FBXO17: variants seen among roughly 807,000 people sequenced by gnomAD.
FBXO17 encodes F-box protein 17.
FBXO17 carries 43 observed loss-of-function variants against 34.1 expected under a neutral mutation model. That is an observed-to-expected ratio of 1.26 (90% CI 0.99 to 1.62). FBXO17 has a LOEUF of 1.62. FBXO17 is among the 40% of genes most tolerant of loss of function. The probability of loss-of-function intolerance (pLI) is 0.00; values close to 1 mark genes in which losing one functional copy is unlikely to be tolerated. For synonymous variants in FBXO17, 169 were observed against 166.0 expected, an observed-to-expected ratio of 1.02 and a Z score of -0.14; for missense variants, 424 against 386.7, an observed-to-expected ratio of 1.10 and a Z score of -0.81.
At chr19:38,944,258 T>G (rs1411756381) in intron 5 of FBXO17, among the ~76,000 whole-genome samples, 1 of 82,594 alleles carries the variant, frequency 1.2e-5, no homozygotes, top group Non-Finnish European at 2.9e-5. Flanking sequence ...ATCTGACTCA[T>G]TATTATTATT....
At position 38,942,631 on chromosome 19, in the gene FBXO17, T is replaced by C; in HGVS notation, c.814A>G (p.Arg272Gly). The C allele has an allele frequency of 6.3e-7, 1 of 1,586,622 alleles. No homozygotes were observed. Among genetic ancestry groups the C allele is most frequent in the Non-Finnish European group, 8.5e-7 (1 of 1,169,998 alleles). The part of the protein sequence containing the change: ...YGALVTHSSV[R>G]VRIRLS ...CGCTAGGACAGACGGATCCTGACCC[T>C]CACACTGGAGTGGGTCACAAGGGCG... Residue 272 changes from arginine to glycine, a missense_variant, in exon 6 of 6, where the codon AGG becomes GGG. Coordinates refer to ENST00000292852, the MANE Select transcript of FBXO17 (RefSeq NM_024907.7).
chr19:38,942,772 A>G, intron 5 of FBXO17, 21 bp from the exon 6 acceptor site: 2 of 1,594,500 alleles, frequency 1.3e-6, no homozygotes, highest in Non-Finnish European at 1.7e-6. Flanking sequence ...AAGGGGAGTG[A>G]GAGGGTGAGG....
chr19:38,945,244 A>C, intron 4 of FBXO17, 140 bp from the exon 5 acceptor site: 2 of 1,139,312 alleles, frequency 1.8e-6, no homozygotes, highest in Non-Finnish European at 1.2e-6. Flanking sequence ...TGGCCTGGGA[A>C]CCTCTAGGGG....
At chr19:38,951,039 T>G (rs1300738511) in intron 1 of FBXO17, among the ~76,000 whole-genome samples, 1 of 151,952 alleles carries the variant, frequency 6.6e-6, no homozygotes, top group Non-Finnish European at 1.5e-5. Context: ...ATCCACCCAC[T>G]TCGGCCTCTC....
At position 38,957,312 on chromosome 19, in the gene FBXO17, G is replaced by C. The variant is rs113459248; in HGVS notation, c.-17-6976C>G. Among the ~76,000 whole-genome samples, 26 of 152,266 alleles carry C rather than the reference G, an allele frequency of 1.7e-4. 1 individual carries two copies. The highest frequency in any genetic ancestry group is 6.0e-4 in the African/African-American group (25 of 41,566). The stretch of plus-strand genomic sequence containing the variant: ...GTGCACCAGAGTTTAGTTTCCTGGA[G>C]TTCTTCTTAGGAGGAGTTCTTAGTT... On this transcript the variant is annotated intron_variant, in intron 1 of 5. Transcript: ENST00000292852.
chr19:38,961,903 TC>T (rs1383666121), intron 1 of FBXO17, among the ~76,000 whole-genome samples: 1 of 151,988 alleles, frequency 6.6e-6, no homozygotes, highest in African/African-American at 2.4e-5. Context: ...GCTCAAGTGA[TC>T]CGCCTGCGTC....
In FBXO17 at chr19:38,968,486, TA is replaced by T. The variant is rs568737351; in HGVS notation, c.-18+7099del. Reference sequence around the variant, plus strand: ...GGGAGACAGAATAAGAGCCTGTCTCTAAAAAAAAAAAAAAATTAAAAAAAAA... The same window carrying T: ...GGGAGACAGAATAAGAGCCTGTCTCTAAAAAAAAAAAAAATTAAAAAAAAA... On this transcript the variant is annotated intron_variant, in intron 1 of 5. Coordinates refer to ENST00000292852, the MANE Select transcript of FBXO17 (RefSeq NM_024907.7). Among the ~76,000 whole-genome samples the T allele has an allele frequency of 1.0e-2, 1,280 of 128,460 alleles. 8 individuals carry two copies. The highest frequency in any genetic ancestry group is 0.023 in the African/African-American group (806 of 34,742). The allele number at this position is 128,460 out of a possible 152,430, so 84.3% of individuals were successfully genotyped here. A position where few individuals can be genotyped will look rare whatever the true frequency, so the allele number is the denominator to read the frequency against.
At position 38,963,244 on chromosome 19, in the gene FBXO17, C is replaced by A. The variant is rs116799300; in HGVS notation, c.-18+12342G>T. On this transcript the variant is annotated intron_variant, in intron 1 of 5. Transcript: ENST00000292852. ...AATATTCCTTGAGTTGTAGGCATGG[C>A]TTAGGGTTATTTGTCCTCTCCTTCA... is the stretch of plus-strand genomic sequence containing the variant. Among the ~76,000 whole-genome samples the A allele has an allele frequency of 3.4e-3, 514 of 151,480 alleles. 2 individuals are homozygous for A. Among genetic ancestry groups the A allele is most frequent in the African/African-American group, 0.012 (485 of 41,270 alleles).
intron 5 of FBXO17, chr19:38,944,764 T>G: frequency 1.5e-6 from 1 of 687,148 alleles, no homozygotes. Context: ...TCAGTGTTTG[T>G]TGAACATTAA....
intron 1 of FBXO17, among the ~76,000 whole-genome samples, chr19:38,964,673 G>A (rs1247160169): frequency 1.3e-5 from 2 of 151,952 alleles, no homozygotes; most frequent in Non-Finnish European, 2.9e-5. Flanking sequence ...AGGCTGAGGT[G>A]GGAGGAGTGC....
chr19:38,952,649 G>A (rs1480463942), intron 1 of FBXO17: 6 of 533,484 alleles, frequency 1.1e-5, no homozygotes, highest in Middle Eastern at 3.2e-4. Flanking sequence ...GCTCACGGCC[G>A]CTCCCGCTGC....
rs751798216 is a variant in FBXO17 at position 38,942,697 on chromosome 19, G to T, written c.748C>A (p.Gln250Lys). Residue 250 changes from glutamine (Q) to lysine (K), a missense_variant, in exon 6 of 6, where the codon CAG becomes AAG. Physicochemically the swap from Gln to Lys is moderately conservative, Grantham distance 53 (BLOSUM62 1). Coordinates refer to ENST00000292852, the MANE Select transcript of FBXO17 (RefSeq NM_024907.7). ...GKGIRYVSFE[Q>K]YGRDVSSWVG... ...CAGGAACTCACGTCTCTCCCGTACT[G>T]CTCAAAAGATACGTAGCGGATGCCC... 2.5e-6 allele frequency: 4 copies of T among 1,605,534 alleles called. No homozygotes were observed. Among genetic ancestry groups the T allele is most frequent in the Middle Eastern group, 1.7e-4 (1 of 6,042 alleles).
chr19:38,963,839 A>G lies in FBXO17; in HGVS notation c.-18+11747T>C, dbSNP rs62119049. On this transcript the variant is annotated intron_variant, in intron 1 of 5. Coordinates refer to ENST00000292852, the MANE Select transcript of FBXO17 (RefSeq NM_024907.7). ...TGTTCTATCACCAAGGCTGGAGTGCAGTGGTGCAATCTCGGCTCACTGCAA... is the reference window on the plus strand; with the variant it reads ...TGTTCTATCACCAAGGCTGGAGTGCGGTGGTGCAATCTCGGCTCACTGCAA... 6.3e-3 allele frequency among the ~76,000 whole-genome samples: 957 copies of G among 151,458 alleles called. 1 individual carries two copies. The highest frequency in any genetic ancestry group is 0.011 in the Non-Finnish European group (727 of 67,900).
chr19:38,945,331 TGGG>T, intron 4 of FBXO17: 1 of 524,710 alleles, frequency 1.9e-6, no homozygotes, highest in South Asian at 2.2e-5. Context: ...AGCCAGAGCC[TGGG>T]GGAGGAGCCT....
intron 1 of FBXO17, among the ~76,000 whole-genome samples, chr19:38,961,683 A>G (rs1358689401): frequency 6.6e-6 from 1 of 151,570 alleles, no homozygotes; most frequent in African/African-American, 2.4e-5. Flanking sequence ...TGTTTTTGAG[A>G]CGTAGTATTG....
chr19:38,961,782 C>G (rs1975253568), intron 1 of FBXO17, among the ~76,000 whole-genome samples: 1 of 152,028 alleles, frequency 6.6e-6, no homozygotes, highest in South Asian at 2.1e-4. Flanking sequence ...TCTACTTCAG[C>G]CTCCGGAGTA....
intron 4 of FBXO17, 124 bp from the exon 5 acceptor site, chr19:38,945,228 A>C: frequency 7.5e-7 from 1 of 1,325,786 alleles, no homozygotes; most frequent in Non-Finnish European, 1.0e-6. Context: ...ACATTTGGAG[A>C]CGTCCTGGCC....
chr19:38,957,949 C>T (rs895272675), intron 1 of FBXO17, among the ~76,000 whole-genome samples: 10 of 151,598 alleles, frequency 6.6e-5, no homozygotes, highest in African/African-American at 2.4e-4. Context: ...AAAAGAAATA[C>T]AAAAAAATTA....
At chr19:38,943,518 ACCCG>A (rs1974925895) in intron 5 of FBXO17, among the ~76,000 whole-genome samples, 1 of 151,496 alleles carries the variant, frequency 6.6e-6, no homozygotes, top group Non-Finnish European at 1.5e-5. Flanking sequence ...CAGGTGATCC[ACCCG>A]CCATGGTCTT....
Sources: gnomAD v4.1 joint callset for allele counts (sites outside exome capture counted in the v4.1 genomes callset) on GRCh38, gnomAD v4.1.1 for gene constraint, MANE v1.5 for transcripts, NCBI Gene and HGNC (gene_info 2026-07-23, HGNC 2026-07-21) for gene names.